Variants in KYAT1 observed in about 807,000 individuals in gnomAD.
The protein encoded by KYAT1 is kynurenine--oxoglutarate transaminase 1.
Under a neutral mutation model 52.4 loss-of-function variants are expected in KYAT1, and 47 were observed. The observed-to-expected ratio is 0.90, with a 90% CI of 0.71 to 1.14. KYAT1 has a LOEUF of 1.14. KYAT1 is among the 50% of genes most tolerant of loss of function. The pLI, the probability that KYAT1 is intolerant of heterozygous loss-of-function variation, is 0.00. For missense variants in KYAT1, 480 were observed against 557.9 expected (o/e 0.86, Z 1.41); for synonymous variants, 212 against 209.6 (o/e 1.01, Z -0.10).
At chr9:128,836,492 T>C (rs540317207) in intron 7 of KYAT1, among the ~76,000 whole-genome samples, 1 of 151,992 alleles carries the variant, frequency 6.6e-6, no homozygotes, top group African/African-American at 2.4e-5. Context: ...ACAGACAGGG[T>C]TTCACCATGT....
chr9:128,847,006 G>T, intron 1 of KYAT1: 1 of 716,138 alleles, frequency 1.4e-6, no homozygotes, highest in Non-Finnish European at 2.2e-6. Flanking sequence ...ACCTGCCCAG[G>T]GTCAGAAGAG....
intron 1 of KYAT1, 130 bp from the exon 2 acceptor site, chr9:128,845,541 TAG>T (rs1564465134): frequency 3.6e-6 from 3 of 833,518 alleles, no homozygotes; most frequent in Non-Finnish European, 5.7e-6. Context: ...GGGGAAGAGA[TAG>T]AGTTTGCAGA....
chr9:128,867,763 T>C (rs1588142786), intron 1 of KYAT1, among the ~76,000 whole-genome samples: 2 of 152,134 alleles, frequency 1.3e-5, no homozygotes. Context: ...TCAAAACTTA[T>C]TGCAAAGGTT....
At chr9:128,881,605 C>A (rs1258684376) in intron 1 of KYAT1, among the ~76,000 whole-genome samples, 2 of 151,998 alleles carry the variant, frequency 1.3e-5, no homozygotes, top group East Asian at 3.9e-4. Context: ...CAATTCCAAC[C>A]CCAGATCTGT....
intron 1 of KYAT1, among the ~76,000 whole-genome samples, chr9:128,864,240 C>T (rs890879648): frequency 6.6e-6 from 1 of 151,586 alleles, no homozygotes; most frequent in African/African-American, 2.4e-5. Flanking sequence ...GTGGCGGGTG[C>T]CTATAGTCCC....
intron 1 of KYAT1, among the ~76,000 whole-genome samples, chr9:128,865,363 T>A (rs1156401705): frequency 9.1e-5 from 6 of 65,884 alleles, no homozygotes; most frequent in African/African-American, 6.3e-4. Flanking sequence ...ATATATATTT[T>A]TTTTTTTTTT....
intron 1 of KYAT1, among the ~76,000 whole-genome samples, chr9:128,857,314 G>A (rs1241557515): frequency 6.6e-6 from 1 of 152,140 alleles, no homozygotes; most frequent in Non-Finnish European, 1.5e-5. Flanking sequence ...ACCGATGCTG[G>A]TGCAGGTCCT....
At chr9:128,844,980 G>A (rs1615) in intron 2 of KYAT1, among the ~76,000 whole-genome samples, 191 of 152,320 alleles carry the variant, frequency 1.3e-3, no homozygotes, top group Middle Eastern at 6.8e-3. Context: ...TAGTTTATCT[G>A]ACTCTATACC....
chr9:128,842,193 AAAAAAG>A (rs1416344872), intron 3 of KYAT1: 3 of 232,014 alleles, frequency 1.3e-5, no homozygotes, highest in African/African-American at 2.3e-5. Flanking sequence ...ACCTTGTCTC[AAAAAAG>A]AAAAAGAAAA....
At chr9:128,847,084 G>A (rs988600658) in intron 1 of KYAT1, among the ~76,000 whole-genome samples, 1 of 152,178 alleles carries the variant, frequency 6.6e-6, no homozygotes, top group African/African-American at 2.4e-5. Flanking sequence ...CTGTCCTGGA[G>A]GGGCCTTGGG....
chr9:128,867,488 G>A (rs1454516148), intron 1 of KYAT1, among the ~76,000 whole-genome samples: 1 of 152,028 alleles, frequency 6.6e-6, no homozygotes, highest in Non-Finnish European at 1.5e-5. Context: ...CCTAAAAGCT[G>A]ATCTTACAGG....
intron 3 of KYAT1, chr9:128,842,027 A>C (rs952792906): frequency 9.9e-6 from 2 of 201,708 alleles, no homozygotes; most frequent in Admixed American, 1.1e-4. Flanking sequence ...ATAAATAAAT[A>C]AATATATAAA....
intron 1 of KYAT1, among the ~76,000 whole-genome samples, chr9:128,878,116 T>G (rs999890734): frequency 2.6e-5 from 4 of 152,134 alleles, no homozygotes; most frequent in African/African-American, 9.7e-5. Context: ...TCACAGCCAC[T>G]TGTCAATGAC....
chr9:128,846,702 G>C (rs961039202), intron 1 of KYAT1: 283 of 1,533,032 alleles, frequency 1.8e-4, no homozygotes, highest in Non-Finnish European at 2.3e-4. Context: ...ACCCTGGATA[G>C]GTAATTTGGC....
chr9:128,845,701 CCTGAGA>C (rs1832983644), intron 1 of KYAT1, among the ~76,000 whole-genome samples: 2 of 152,196 alleles, frequency 1.3e-5, no homozygotes, highest in Non-Finnish European at 2.9e-5. Context: ...CTCCATGCGT[CCTGAGA>C]CAGAGCCCTG....
In KYAT1 at chr9:128,833,461, G is replaced by A; in HGVS notation, c.*123C>T. The A allele has an allele frequency of 2.0e-6, 2 of 985,370 alleles. No individual in the cohort carries two copies. The highest frequency in any genetic ancestry group is 3.2e-6 in the Non-Finnish European group (2 of 633,882). 61.0% of individuals were successfully genotyped at this position (985,370 alleles called of 1,614,324 possible). On this transcript the variant is annotated 3_prime_UTR_variant, in exon 13 of 13. Transcript: ENST00000302586. Reference sequence around the variant, plus strand: ...CACCCAGAACATTCTGTGTCACGGAGAAGAGGTTTCCCAATAGCATCTTCC... The same window carrying A: ...CACCCAGAACATTCTGTGTCACGGAAAAGAGGTTTCCCAATAGCATCTTCC...
chr9:128,839,870 A>G (rs1275356350), intron 3 of KYAT1, among the ~76,000 whole-genome samples: 2 of 151,966 alleles, frequency 1.3e-5, no homozygotes, highest in Non-Finnish European at 2.9e-5. Context: ...TGGGCAACAC[A>G]GAGGGACTCT....
At chr9:128,855,450 T>C (rs543922411) in intron 1 of KYAT1, among the ~76,000 whole-genome samples, 1 of 152,364 alleles carries the variant, frequency 6.6e-6, no homozygotes, top group South Asian at 2.1e-4. Flanking sequence ...CACATTAGAA[T>C]TTGGTCTGGA....
At chr9:128,861,769 G>A (rs902338603) in intron 1 of KYAT1, among the ~76,000 whole-genome samples, 1 of 152,176 alleles carries the variant, frequency 6.6e-6, no homozygotes, top group Admixed American at 6.6e-5. Context: ...ACGGATGAGC[G>A]GCCCAAGGGC....
Sources: allele counts gnomAD v4.1 joint callset (sites outside exome capture counted in the v4.1 genomes callset), GRCh38; gene constraint gnomAD v4.1.1; transcripts MANE v1.5; gene names NCBI Gene and HGNC (gene_info 2026-07-23, HGNC 2026-07-21).